PRDM11: variants seen among roughly 807,000 people sequenced by gnomAD.
PRDM11 encodes PR/SET domain 11, also known as PR domain-containing protein 11.
Under a neutral mutation model 97.8 loss-of-function variants are expected in PRDM11, and 20 were observed. The ratio of observed to expected loss-of-function variants is 0.20; its 90% confidence interval spans 0.14 to 0.30. The LOEUF is 0.30. PRDM11 is among the 10% of genes least tolerant of loss of function. The pLI, the probability that PRDM11 is intolerant of heterozygous loss-of-function variation, is 1.00. For synonymous variants in PRDM11, 599 were observed against 637.7 expected (o/e 0.94, Z 0.91); for missense variants, 1,139 against 1,555.2 (o/e 0.73, Z 4.50).
chr11:45,121,250 C>G (rs968161690), intron 1 of PRDM11, among the ~76,000 whole-genome samples: 1 of 151,688 alleles, frequency 6.6e-6, no homozygotes, highest in Non-Finnish European at 1.5e-5. Context: ...AAACAAGATG[C>G]AAATATTAGT....
chr11:45,224,327 C>T lies in PRDM11; in HGVS notation c.853C>T (p.Arg285Cys), dbSNP rs554343280. ...GAGACAGGGCAAAAGTCCCTACAAG[C>T]GTGGCTTTGATGAGGGGGATGTACA... The part of the protein sequence containing the change: ...VLRQGKSPYK[R>C]GFDEGDVHPQ... Residue 285 changes from arginine to cysteine, a missense_variant, in exon 7 of 8, where the codon CGT (arginine) becomes TGT (cysteine). Arg to Cys is a radical substitution (Grantham distance 180). Transcript: ENST00000683152. The T allele has an allele frequency of 1.5e-5, 25 of 1,613,988 alleles. No individual in the cohort carries two copies. The highest frequency in any genetic ancestry group is 2.0e-5 in the Non-Finnish European group (24 of 1,180,048).
intron 1 of PRDM11, among the ~76,000 whole-genome samples, chr11:45,148,036 AG>A (rs1341500307): frequency 1.3e-5 from 2 of 152,000 alleles, no homozygotes; most frequent in African/African-American, 4.8e-5. Context: ...CTTGGGAGGG[AG>A]GAAGGTTCGG....
chr11:45,178,807 T>C (rs546919746), intron 1 of PRDM11, among the ~76,000 whole-genome samples: 10 of 152,350 alleles, frequency 6.6e-5, no homozygotes, highest in African/African-American at 2.4e-4. Flanking sequence ...ACCTGGCTTG[T>C]CTTTCCCTAG....
At chr11:45,225,867 T>C in intron 7 of PRDM11, 128 bp from the exon 8 acceptor site, 6 of 1,218,878 alleles carry the variant, frequency 4.9e-6, no homozygotes, top group Non-Finnish European at 5.5e-6. Context: ...ATTCAATCCA[T>C]CATAGGCTTC....
intron 5 of PRDM11, among the ~76,000 whole-genome samples, chr11:45,205,458 C>G (rs1853473845): frequency 6.6e-6 from 1 of 151,966 alleles, no homozygotes; most frequent in Non-Finnish European, 1.5e-5. Flanking sequence ...GGTTTGTGGA[C>G]AGGGGTGGGA....
intron 1 of PRDM11, among the ~76,000 whole-genome samples, chr11:45,116,789 C>T (rs1273505329): frequency 6.6e-6 from 1 of 152,096 alleles, no homozygotes; most frequent in African/African-American, 2.4e-5. Context: ...ATGGCTGATT[C>T]TAGAACTGGG....
chr11:45,211,788 GTGTATAC>G (rs1482083942), intron 5 of PRDM11, among the ~76,000 whole-genome samples: 1 of 152,024 alleles, frequency 6.6e-6, no homozygotes, highest in Non-Finnish European at 1.5e-5. Context: ...ATATGGCACA[GTGTATAC>G]TGCTTGGGTC....
chr11:45,142,464 C>T (rs971906491), upstream of PRDM11, among the ~76,000 whole-genome samples: 4 of 152,304 alleles, frequency 2.6e-5, no homozygotes, highest in East Asian at 7.7e-4. Context: ...CTCAGAGATG[C>T]CTTCCCTGTC....
intron 1 of PRDM11, among the ~76,000 whole-genome samples, chr11:45,177,064 G>A (rs534523641): frequency 6.6e-6 from 1 of 152,332 alleles, no homozygotes; most frequent in South Asian, 2.1e-4. Flanking sequence ...TGCTGTGGTA[G>A]GTACCAGAGT....
Position 45,232,100 on chromosome 11 carries a change from A to C in PRDM11, c.*3941A>C, listed in dbSNP as rs911639113. ...GTTGCTTATGCCAACCCTTTAATTT[A>C]GGAAAAGTACCTTGTAATTACTTAA... is the stretch of plus-strand genomic sequence containing the variant. On this transcript the variant is annotated 3_prime_UTR_variant, in exon 8 of 8. Coordinates refer to ENST00000683152, the MANE Select transcript of PRDM11 (RefSeq NM_001384648.1). 1.3e-5 allele frequency: 2 copies of C among 152,204 alleles called. No individual in the cohort carries two copies. The highest frequency in any genetic ancestry group is 2.9e-5 in the Non-Finnish European group (2 of 68,038). 9.4% of individuals were successfully genotyped at this position (152,204 alleles called of 1,614,324 possible).
rs1394654571 is a variant in PRDM11, at chr11:45,226,223, G to A, written c.1598G>A (p.Arg533His). 1.3e-6 allele frequency: 2 copies of A among 1,533,928 alleles called. No individual in the cohort carries two copies. The highest frequency in any genetic ancestry group is 1.7e-6 in the Non-Finnish European group (2 of 1,146,698). Residue 533 changes from arginine to histidine, a missense_variant, in exon 8 of 8, where the codon CGC (arginine) becomes CAC (histidine). Arg to His is a conservative substitution (Grantham distance 29). Transcript: ENST00000683152. The part of the protein sequence containing the change: ...TLNEMWCHVC[R>H]QYTVQSSRTS... ...AATGAGATGTGGTGCCACGTCTGCC[G>A]CCAGTACACGGTGCAGTCCTCACGC...
rs1854046833 is a variant in PRDM11 at position 45,219,391 on chromosome 11, G to C, written c.555-179G>C. 6.6e-6 allele frequency among the ~76,000 whole-genome samples: 1 copy of C among 152,196 alleles called. No homozygotes were observed. Among genetic ancestry groups the C allele is most frequent in the Non-Finnish European group, 1.5e-5 (1 of 68,038 alleles). On this transcript the variant is annotated intron_variant, in intron 5 of 7. Transcript: ENST00000683152. The surrounding 1 kb of genome is among the most constrained non-coding windows in gnomAD (Gnocchi z 4.2). ...CCCACAACACGGTGACGTTGGGACA[G>C]GGATGGGTTCTGGCTGGTGCTGCTT...
At chr11:45,122,408 T>C (rs1445291027) in intron 1 of PRDM11, among the ~76,000 whole-genome samples, 5 of 151,808 alleles carry the variant, frequency 3.3e-5, no homozygotes, top group Non-Finnish European at 5.9e-5. Flanking sequence ...GTATACATGG[T>C]ATACATATGC....
At position 45,231,034 on chromosome 11, in the gene PRDM11, C is replaced by T. The variant is rs892290717; in HGVS notation, c.*2875C>T. ...AGCTGGCCACCAGACCTCGGAAAAG[C>T]TAACCTCTCAGGTGGTCTTGAAGTT... On this transcript the variant is annotated 3_prime_UTR_variant, in exon 8 of 8. Coordinates refer to ENST00000683152, the MANE Select transcript of PRDM11 (RefSeq NM_001384648.1). 1.6e-4 allele frequency: 24 copies of T among 152,270 alleles called. No homozygotes were observed. Among genetic ancestry groups the T allele is most frequent in the Middle Eastern group, 3.2e-3 (1 of 316 alleles). The allele number at this position is 152,270 out of a possible 1,614,324, so 9.4% of individuals were successfully genotyped here.
At chr11:45,197,202 A>C (rs1289393660) in intron 4 of PRDM11, among the ~76,000 whole-genome samples, 1 of 152,214 alleles carries the variant, frequency 6.6e-6, no homozygotes, top group South Asian at 2.1e-4. Context: ...TTGCAACAAC[A>C]TGGGTAAACC....
At chr11:45,135,789 T>A (rs1442218916) in intron 1 of PRDM11, among the ~76,000 whole-genome samples, 1 of 152,186 alleles carries the variant, frequency 6.6e-6, no homozygotes, top group Non-Finnish European at 1.5e-5. Context: ...TCCCAATGGC[T>A]TCCTCTCCAA....
At chr11:45,152,828 C>T (rs891195827) in intron 1 of PRDM11, among the ~76,000 whole-genome samples, 6 of 152,314 alleles carry the variant, frequency 3.9e-5, no homozygotes, top group East Asian at 1.9e-4. Flanking sequence ...CGGCCTAACC[C>T]GGATACTTGG....
At chr11:45,194,660 G>A (rs1267317535) in intron 4 of PRDM11, among the ~76,000 whole-genome samples, 33 of 139,660 alleles carry the variant, frequency 2.4e-4, no homozygotes, top group Non-Finnish European at 3.2e-4. Flanking sequence ...GTGCAGTGGC[G>A]GGATCTCGGC....
At chr11:45,165,162 A>G (rs553992996) in intron 1 of PRDM11, among the ~76,000 whole-genome samples, 58 of 152,240 alleles carry the variant, frequency 3.8e-4, no homozygotes, top group African/African-American at 1.2e-3. Context: ...CCATGTTCCC[A>G]GCTTCTTCAC....
Sources: gnomAD v4.1 joint callset for allele counts (sites outside exome capture counted in the v4.1 genomes callset) on GRCh38, gnomAD v4.1.1 for gene constraint, Gnocchi (gnomAD v3.1) non-coding constraint, MANE v1.5 for transcripts, NCBI Gene and HGNC (gene_info 2026-07-23, HGNC 2026-07-21) for gene names.